Variants in CPED1 observed in about 807,000 individuals in gnomAD.
CPED1 encodes cadherin like and PC-esterase domain containing 1, also known as cadherin-like and PC-esterase domain-containing protein 1.
In CPED1, 114 loss-of-function variants were observed where a neutral mutation model predicts 128.2. The observed-to-expected ratio is 0.89, with a 90% CI of 0.76 to 1.04. The LOEUF (loss-of-function observed/expected upper bound fraction) is 1.04. Ranked by LOEUF, CPED1 falls within the 50% of genes least tolerant of loss-of-function variation. The probability of loss-of-function intolerance (pLI) is 0.00; values close to 1 mark genes in which losing one functional copy is unlikely to be tolerated. For synonymous variants in CPED1, 462 were observed against 426.7 expected (o/e 1.08, Z -1.02); for missense variants, 1,211 against 1,207.1 (o/e 1.00, Z -0.05).
At chr7:121,289,962 C>T (rs116835928) in intron 22 of CPED1, among the ~76,000 whole-genome samples, 3,688 of 152,196 alleles carry the variant, frequency 0.024, 124 homozygotes, top group South Asian at 0.13. Context: ...TCCTTTCCCC[C>T]GAACTCCTGA....
At chr7:121,091,878 C>T (rs965581638) in intron 5 of CPED1, among the ~76,000 whole-genome samples, 3 of 151,998 alleles carry the variant, frequency 2.0e-5, no homozygotes, top group Non-Finnish European at 4.4e-5. Context: ...TATTATTTAG[C>T]AACTATCTAT....
intron 22 of CPED1, among the ~76,000 whole-genome samples, chr7:121,293,184 T>A (rs1792747591): frequency 6.6e-6 from 1 of 152,172 alleles, no homozygotes; most frequent in Non-Finnish European, 1.5e-5. Flanking sequence ...AGCCCCTGAC[T>A]AGGGCTGCTG....
chr7:121,179,481 C>T (rs780166832), intron 16 of CPED1, among the ~76,000 whole-genome samples: 1 of 152,040 alleles, frequency 6.6e-6, no homozygotes, highest in South Asian at 2.1e-4. Context: ...TGCTGAAGTA[C>T]TATCACAATA....
intron 2 of CPED1, among the ~76,000 whole-genome samples, chr7:121,001,273 G>A (rs919492213): frequency 2.0e-5 from 3 of 152,198 alleles, no homozygotes; most frequent in South Asian, 4.1e-4. Context: ...ACTGCCAGGA[G>A]TCAGAATGCA....
At chr7:121,026,684 A>T (rs1486151443) in intron 3 of CPED1, among the ~76,000 whole-genome samples, 3 of 139,686 alleles carry the variant, frequency 2.1e-5, no homozygotes, top group African/African-American at 7.8e-5. Context: ...AAAAAAAAAA[A>T]GTTTCCCAGG....
chr7:121,219,133 C>A (rs1326390393), intron 16 of CPED1, among the ~76,000 whole-genome samples: 1 of 152,014 alleles, frequency 6.6e-6, no homozygotes, highest in African/African-American at 2.4e-5. Flanking sequence ...TAAATTCATT[C>A]TTTTGTTCAT....
At chr7:121,145,684 C>T (rs1325194012) in intron 16 of CPED1, among the ~76,000 whole-genome samples, 1 of 151,972 alleles carries the variant, frequency 6.6e-6, no homozygotes, top group Non-Finnish European at 1.5e-5. Flanking sequence ...TCTATTATTT[C>T]TCTTTTATAT....
chr7:120,993,879 G>GTC (rs1242240183), intron 2 of CPED1: 1 of 232,732 alleles, frequency 4.3e-6, no homozygotes, highest in Non-Finnish European at 9.2e-6. Context: ...GTTGATTGGA[G>GTC]TCCCTCTCAT....
chr7:121,097,900 C>A, intron 6 of CPED1, 69 bp downstream of exon 6: 1 of 1,536,634 alleles, frequency 6.5e-7, no homozygotes, highest in Non-Finnish European at 8.9e-7. Context: ...GAGAAAAGCA[C>A]AGAACAGATA....
intron 13 of CPED1, 53 bp downstream of exon 13, chr7:121,133,946 G>A: frequency 1.0e-6 from 1 of 981,502 alleles, no homozygotes; most frequent in East Asian, 2.7e-5. Flanking sequence ...GTATTTCCTG[G>A]CAAAAAAATG....
intron 16 of CPED1, among the ~76,000 whole-genome samples, chr7:121,228,586 CA>C (rs3068082): frequency 3.5e-5 from 5 of 142,878 alleles, no homozygotes; most frequent in South Asian, 2.2e-4. Context: ...GGAGATTTCT[CA>C]AAAAAAAAAA....
intron 5 of CPED1, among the ~76,000 whole-genome samples, chr7:121,066,853 A>C (rs1793841331): frequency 6.6e-6 from 1 of 152,194 alleles, no homozygotes; most frequent in South Asian, 2.1e-4. Flanking sequence ...ACAAAGTTCC[A>C]AAAAGCAAAA....
chr7:121,228,051 G>T (rs1034171552), intron 16 of CPED1, among the ~76,000 whole-genome samples: 3 of 151,982 alleles, frequency 2.0e-5, no homozygotes, highest in Non-Finnish European at 4.4e-5. Context: ...AAAAATACTA[G>T]AAGAAAACCT....
intron 13 of CPED1, 73 bp from the exon 14 acceptor site, chr7:121,135,962 TATCTA>T: frequency 9.0e-7 from 1 of 1,110,966 alleles, no homozygotes; most frequent in Non-Finnish European, 1.2e-6. Context: ...TTTATTAAGT[TATCTA>T]ATAGCTAAAT....
intron 22 of CPED1, among the ~76,000 whole-genome samples, chr7:121,293,513 C>G (rs150423819): frequency 1.1e-3 from 162 of 152,198 alleles, no homozygotes; most frequent in Middle Eastern, 3.4e-3. Flanking sequence ...AGGGAGTGAA[C>G]AGTTCTGTCT....
chr7:121,047,068 G>A (rs560122402), intron 4 of CPED1, 75 bp downstream of exon 4: 2 of 900,858 alleles, frequency 2.2e-6, no homozygotes, highest in South Asian at 3.2e-5. Flanking sequence ...GGTCTATAAT[G>A]TTTAAGAGTC....
chr7:121,033,307 C>T (rs1792785280), intron 3 of CPED1, among the ~76,000 whole-genome samples: 1 of 152,168 alleles, frequency 6.6e-6, no homozygotes, highest in African/African-American at 2.4e-5. Flanking sequence ...TTCTTCATGA[C>T]ACTATGTTAT....
chr7:121,035,443 G>A (rs1192107813), intron 3 of CPED1, among the ~76,000 whole-genome samples: 1 of 152,182 alleles, frequency 6.6e-6, no homozygotes, highest in African/African-American at 2.4e-5. Flanking sequence ...GATGGTGTTT[G>A]AAATTAATAA....
chr7:121,256,841 A>G (rs1421444139), intron 18 of CPED1, among the ~76,000 whole-genome samples: 1 of 152,122 alleles, frequency 6.6e-6, no homozygotes, highest in East Asian at 1.9e-4. Flanking sequence ...GGTGAACTGG[A>G]TAAAGAAAAT....
Sources: gnomAD v4.1 joint callset for allele counts (sites outside exome capture counted in the v4.1 genomes callset) on GRCh38, gnomAD v4.1.1 for gene constraint, MANE v1.5 for transcripts, NCBI Gene and HGNC (gene_info 2026-07-23, HGNC 2026-07-21) for gene names.